The following ARID4B variants were observed in gnomAD, a reference collection of about 807,000 sequenced individuals.
The protein encoded by ARID4B is AT-rich interactive domain-containing protein 4B.
In ARID4B, 26 loss-of-function variants were observed where a neutral mutation model predicts 147.5. The ratio of observed to expected loss-of-function variants is 0.18; its 90% confidence interval spans 0.13 to 0.24. The LOEUF is 0.24. ARID4B is among the 10% of genes least tolerant of loss of function. The probability of loss-of-function intolerance (pLI) is 1.00; values close to 1 mark genes in which losing one functional copy is unlikely to be tolerated. For missense variants in ARID4B, 1,179 were observed against 1,511.5 expected (o/e 0.78, Z 3.65); for synonymous variants, 512 against 507.9 (o/e 1.01, Z -0.11).
chr1:235,281,550 C>CA (rs1671674459), intron 2 of ARID4B, among the ~76,000 whole-genome samples: 2 of 151,974 alleles, frequency 1.3e-5, no homozygotes, highest in Non-Finnish European at 2.9e-5. Flanking sequence ...CATTCCGTCT[C>CA]AAAAAAACAG....
intron 8 of ARID4B, among the ~76,000 whole-genome samples, chr1:235,235,892 A>G (rs773027967): frequency 1.3e-4 from 19 of 151,880 alleles, no homozygotes; most frequent in Non-Finnish European, 2.1e-4. Context: ...TACTCAGTGC[A>G]TGGTAGTTAT....
At position 235,219,996 on chromosome 1, in the gene ARID4B, A is replaced by G. The variant is rs574134335; in HGVS notation, c.1408-28T>C. 29 of 1,436,434 alleles carry G rather than the reference A, an allele frequency of 2.0e-5. No homozygotes were observed. In the South Asian group the frequency reaches 3.9e-4, roughly 19 times the overall value. 89.0% of individuals were successfully genotyped at this position (1,436,434 alleles called of 1,614,324 possible). A position where few individuals can be genotyped will look rare whatever the true frequency, so the allele number is the denominator to read the frequency against. Reference sequence around the variant, plus strand: ...AGAAAAAGATCAGAGGAAAGAAACCAACAAAAGTAAAAATTTTCAACCTAT... The same window carrying G: ...AGAAAAAGATCAGAGGAAAGAAACCGACAAAAGTAAAAATTTTCAACCTAT... On this transcript the variant is annotated intron_variant, in intron 15 of 23. Transcript: ENST00000264183.
chr1:235,231,030 T>C (rs956358483), intron 10 of ARID4B, 83 bp downstream of exon 10: 4 of 994,868 alleles, frequency 4.0e-6, no homozygotes, highest in South Asian at 3.1e-5. Flanking sequence ...AGAAAAATTT[T>C]AAAGAGCAAA....
rs374681138 is a variant in ARID4B, at chr1:235,209,563, G to GTTTTTTT, written c.1841+4205_1841+4206insAAAAAAA. 8.5e-4 allele frequency among the ~76,000 whole-genome samples: 116 copies of GTTTTTTT among 137,160 alleles called. 5 individuals are homozygous for GTTTTTTT. The highest frequency in any genetic ancestry group is 1.2e-3 in the South Asian group (5 of 4,316). The allele number at this position is 137,160 out of a possible 152,430, so 90.0% of individuals were successfully genotyped here. On this transcript the variant is annotated intron_variant, in intron 17 of 23. Coordinates refer to ENST00000264183, the MANE Select transcript of ARID4B (RefSeq NM_016374.6). Reference sequence around the variant, plus strand: ...AAGAAAATTGATTTTTTTGTTTTTTGTTTTGTTTTTTTTTTTTTGAGATGG... The same window carrying GTTTTTTT: ...AAGAAAATTGATTTTTTTGTTTTTTGTTTTTTTTTTTGTTTTTTTTTTTTTGAGATGG...
At chr1:235,214,111 GT>G in intron 16 of ARID4B, 85 bp from the exon 17 acceptor site, 1 of 1,480,526 alleles carries the variant, frequency 6.8e-7, no homozygotes, top group African/African-American at 1.4e-5. Flanking sequence ...GATAAAAGTT[GT>G]GGCTGTGATT....
intron 2 of ARID4B, among the ~76,000 whole-genome samples, chr1:235,309,433 G>T (rs1044411441): frequency 3.0e-4 from 44 of 146,296 alleles, no homozygotes; most frequent in Non-Finnish European, 5.4e-4. Context: ...GGGGGGGTCA[G>T]CCCCCCGCCC....
In ARID4B at chr1:235,310,396, T is replaced by C. The variant is rs188079312; in HGVS notation, c.6+16518A>G. On this transcript the variant is annotated intron_variant, in intron 2 of 23. Transcript: ENST00000264183. ...AGAGAGGCAGCATGGTTCAGTTTACTAACAAAAGAACAGGCTCTGTGATCA... is the reference window on the plus strand; with the variant it reads ...AGAGAGGCAGCATGGTTCAGTTTACCAACAAAAGAACAGGCTCTGTGATCA... Among the ~76,000 whole-genome samples, 245 of 152,314 alleles carry C rather than the reference T, an allele frequency of 1.6e-3. 1 individual carries two copies. Among genetic ancestry groups the C allele is most frequent in the African/African-American group, 5.7e-3 (236 of 41,574 alleles).
intron 2 of ARID4B, among the ~76,000 whole-genome samples, chr1:235,267,907 A>AAAAAG (rs556485246): frequency 2.0e-4 from 30 of 152,290 alleles, no homozygotes; most frequent in South Asian, 1.9e-3. Flanking sequence ...TCTCAAAAAA[A>AAAAAG]AAAAGAAAAG....
At chr1:235,306,330 C>T (rs1025246811) in intron 2 of ARID4B, among the ~76,000 whole-genome samples, 3 of 151,896 alleles carry the variant, frequency 2.0e-5, no homozygotes, top group Admixed American at 6.6e-5. Context: ...AGTGAAACCC[C>T]GTCTCTACTA....
intron 2 of ARID4B, among the ~76,000 whole-genome samples, chr1:235,284,607 G>T (rs1671858145): frequency 6.6e-6 from 1 of 152,096 alleles, no homozygotes; most frequent in South Asian, 2.1e-4. Flanking sequence ...AGGATCCCTT[G>T]GGCCCATGAG....
chr1:235,318,902 T>C lies in ARID4B; in HGVS notation c.6+8012A>G, dbSNP rs114195737. On this transcript the variant is annotated intron_variant, in intron 2 of 23. Transcript: ENST00000264183. ...TCTCAAAAAAAAAATTTAGATTAGT[T>C]ACTGGAGGGATAAAAGAAAGGGAGA... 5.0e-3 allele frequency among the ~76,000 whole-genome samples: 768 copies of C among 152,128 alleles called. 5 individuals are homozygous for C. The highest frequency in any genetic ancestry group is 8.4e-3 in the Non-Finnish European group (572 of 67,994).
intron 7 of ARID4B, among the ~76,000 whole-genome samples, chr1:235,244,704 TAAG>T (rs1669192470): frequency 6.6e-6 from 1 of 152,186 alleles, no homozygotes; most frequent in South Asian, 2.1e-4. Context: ...CTGGGAATCC[TAAG>T]AAGAGATAAC....
chr1:235,194,023 A>G lies in ARID4B; in HGVS notation c.2115T>C (p.Asn705=). The G allele has an allele frequency of 1.2e-6, 2 of 1,601,138 alleles. No individual in the cohort carries two copies. The highest frequency in any genetic ancestry group is 1.7e-6 in the Non-Finnish European group (2 of 1,168,932). The change falls in exon 19 of 24, where the codon AAT becomes AAC. Residue 705 remains asparagine, a synonymous_variant. Coordinates refer to ENST00000264183, the MANE Select transcript of ARID4B (RefSeq NM_016374.6). ...IKSIEITSIL[N]GLQASESSAE... is the part of the protein sequence containing the mutation. ...GATTGTTATGTTTACCTTGAAGTCC[A>G]TTAAGGATCGAAGTAATTTCTATGG...
intron 2 of ARID4B, among the ~76,000 whole-genome samples, chr1:235,294,074 T>C (rs957682551): frequency 1.3e-5 from 2 of 151,954 alleles, no homozygotes; most frequent in Non-Finnish European, 2.9e-5. Context: ...TGACATACAA[T>C]ATGTCCAAAA....
intron 19 of ARID4B, among the ~76,000 whole-genome samples, chr1:235,188,162 C>T (rs191373213): frequency 6.6e-6 from 1 of 151,828 alleles, no homozygotes; most frequent in East Asian, 1.9e-4. Flanking sequence ...TGTATATATA[C>T]TCATATGTCA....
intron 2 of ARID4B, among the ~76,000 whole-genome samples, chr1:235,326,182 T>G (rs542516744): frequency 6.6e-6 from 1 of 152,294 alleles, no homozygotes; most frequent in Admixed American, 6.5e-5. Context: ...CATATACATA[T>G]TCTCTCAAGT....
chr1:235,216,178 A>G (rs1042204058), intron 16 of ARID4B, among the ~76,000 whole-genome samples: 2 of 152,080 alleles, frequency 1.3e-5, no homozygotes, highest in Non-Finnish European at 2.9e-5. Context: ...CTGAACTATA[A>G]CACAAATTCC....
intron 17 of ARID4B, among the ~76,000 whole-genome samples, chr1:235,208,858 T>C (rs974470873): frequency 6.6e-6 from 1 of 152,220 alleles, no homozygotes; most frequent in African/African-American, 2.4e-5. Flanking sequence ...TGTATTTTTC[T>C]AAATTGTTAT....
rs564519532 is a variant in ARID4B at position 235,267,896 on chromosome 1, G to A, written c.7-7144C>T. Among the ~76,000 whole-genome samples the A allele has an allele frequency of 2.8e-4, 42 of 151,036 alleles. No homozygotes were observed. The South Asian group carries it at 7.9e-3, about 29-fold the overall frequency. On this transcript the variant is annotated intron_variant, in intron 2 of 23. Coordinates refer to ENST00000264183, the MANE Select transcript of ARID4B (RefSeq NM_016374.6). The stretch of plus-strand genomic sequence containing the variant: ...TCCAACCTGAGTGACGTGAGACTAC[G>A]TCTCAAAAAAAAAAAGAAAAGAAAA...
Sources: allele counts gnomAD v4.1 joint callset (sites outside exome capture counted in the v4.1 genomes callset), GRCh38; gene constraint gnomAD v4.1.1; transcripts MANE v1.5; gene names NCBI Gene and HGNC (gene_info 2026-07-23, HGNC 2026-07-21).